Variants in PTP4A1 observed in about 807,000 individuals in gnomAD.
PTP4A1 encodes protein tyrosine phosphatase 4A1, also known as protein tyrosine phosphatase type IVA 1.
A neutral mutation model predicts 20.5 loss-of-function variants in PTP4A1; 9 were observed. The observed-to-expected ratio is 0.44, with a 90% CI of 0.26 to 0.77. The LOEUF is 0.77. PTP4A1 is among the 30% of genes least tolerant of loss of function. The pLI is 0.19. For synonymous variants in PTP4A1, 78 were observed against 67.4 expected (o/e 1.16, Z -0.77); for missense variants, 137 against 218.8 (o/e 0.63, Z 2.36).
At position 63,576,913 on chromosome 6, in the gene PTP4A1, A is replaced by G; in HGVS notation, c.33A>G (p.Glu11=). Reference sequence around the variant, plus strand: ...GAATGAACCGCCCAGCTCCTGTGGAAGTCACATACAAGAACATGAGATTTC... The same window carrying G: ...GAATGAACCGCCCAGCTCCTGTGGAGGTCACATACAAGAACATGAGATTTC... MARMNRPAPV[E]VTYKNMRFLI... Residue 11 remains glutamate, a synonymous_variant, in exon 2 of 6, where the codon GAA becomes GAG. Coordinates refer to ENST00000626021, the MANE Select transcript of PTP4A1 (RefSeq NM_003463.5). 1 of 1,613,908 alleles carries G rather than the reference A, an allele frequency of 6.2e-7. No individual in the cohort carries two copies. Among genetic ancestry groups the G allele is most frequent in the Non-Finnish European group, 8.5e-7 (1 of 1,180,006 alleles).
chr6:63,549,390 G>A, intron 2 of PTP4A1: 1 of 753,754 alleles, frequency 1.3e-6, no homozygotes, highest in South Asian at 1.4e-5. Context: ...CCTGTCCAAT[G>A]TCAAAATTCT....
At chr6:63,579,411 C>A in intron 5 of PTP4A1, 80 bp downstream of exon 5, 2 of 957,226 alleles carry the variant, frequency 2.1e-6, no homozygotes, top group Non-Finnish European at 1.5e-6. Context: ...GTCTAATAGC[C>A]CATTTAATCA....
chr6:63,558,097 C>T (rs1007653115), intron 3 of PTP4A1, among the ~76,000 whole-genome samples: 4 of 152,076 alleles, frequency 2.6e-5, no homozygotes, highest in Non-Finnish European at 1.5e-5. Flanking sequence ...GTCTCGAACT[C>T]CTGACCTTGT....
chr6:63,553,726 T>C (rs141937855), intron 3 of PTP4A1, among the ~76,000 whole-genome samples: 63 of 152,256 alleles, frequency 4.1e-4, no homozygotes, highest in African/African-American at 1.5e-3. Context: ...GCAGGAAAGG[T>C]AAATTATGAT....
intron 2 of PTP4A1, 32 bp downstream of exon 2, chr6:63,577,017 T>A (rs1280807391): frequency 6.5e-7 from 1 of 1,532,940 alleles, no homozygotes; most frequent in Non-Finnish European, 9.0e-7. Flanking sequence ...TAGCTTAAAT[T>A]GATTGCAATA....
At position 63,576,824 on chromosome 6, in the gene PTP4A1, T is replaced by A. The variant is rs1777893594; in HGVS notation, c.-57T>A. On this transcript the variant is annotated 5_prime_UTR_variant, in exon 2 of 6. Coordinates refer to ENST00000626021, the MANE Select transcript of PTP4A1 (RefSeq NM_003463.5). ...CTTCAGTTTCTTTGCATCATTTCTG[T>A]ATTCAATTTTTTTAATTATTTCATA... 8 of 1,377,684 alleles carry A rather than the reference T, an allele frequency of 5.8e-6. No individual in the cohort carries two copies. Among genetic ancestry groups the A allele is most frequent in the Non-Finnish European group, 8.1e-6 (8 of 983,708 alleles). 85.3% of individuals were successfully genotyped at this position (1,377,684 alleles called of 1,614,324 possible).
At chr6:63,518,410 A>G (rs1018162148), upstream of PTP4A1, among the ~76,000 whole-genome samples, 50 of 152,182 alleles carry the variant, frequency 3.3e-4, no homozygotes, top group African/African-American at 8.9e-4. Context: ...TGATTAACTA[A>G]AAAATTATCA....
rs1774996655 is a variant in PTP4A1 at position 63,522,901 on chromosome 6, G to A, written c.-906+1075G>A. 1.5e-5 allele frequency among the ~76,000 whole-genome samples: 2 copies of A among 134,378 alleles called. 1 individual carries two copies. Among genetic ancestry groups the A allele is most frequent in the South Asian group, 4.6e-4 (2 of 4,388 alleles). 88.2% of individuals were successfully genotyped at this position (134,378 alleles called of 152,430 possible). On this transcript the variant is annotated intron_variant, in intron 1 of 3. Coordinates refer to the PTP4A1 transcript ENST00000639568. ...TTTTTTTGAGACAGAGTCTCACTCT[G>A]TCAACCAGGCTGGAGTGCAGCAGCA...
upstream of PTP4A1, among the ~76,000 whole-genome samples, chr6:63,567,633 A>G (rs1256157894): frequency 6.6e-6 from 1 of 152,218 alleles, no homozygotes; most frequent in African/African-American, 2.4e-5. Context: ...AGAATGGTAA[A>G]TGAACATCTG....
rs1775700860 is a variant in PTP4A1 at position 63,535,913 on chromosome 6, C to T, written c.-640+7829C>T. Among the ~76,000 whole-genome samples the T allele has an allele frequency of 2.0e-5, 3 of 152,194 alleles. No individual in the cohort carries two copies. In the South Asian group the frequency reaches 6.2e-4, roughly 31 times the overall value. ...TCAGCCTCCCGAGTATCTGGGTTTA[C>T]AGGCGTGCGCCACCATGCACAGCTA... On this transcript the variant is annotated intron_variant, in intron 2 of 3. Coordinates refer to the PTP4A1 transcript ENST00000639568.
chr6:63,562,281 C>A (rs1328285640), intron 3 of PTP4A1, among the ~76,000 whole-genome samples: 1 of 150,924 alleles, frequency 6.6e-6, no homozygotes, highest in African/African-American at 2.4e-5. Flanking sequence ...CTCACCACAA[C>A]CTTCGCCTCC....
chr6:63,562,609 A>C (rs1481271187), intron 3 of PTP4A1, among the ~76,000 whole-genome samples: 1 of 152,254 alleles, frequency 6.6e-6, no homozygotes, highest in Admixed American at 6.5e-5. Flanking sequence ...GAGTATTCTA[A>C]TAAATTCAAC....
At chr6:63,540,342 C>G (rs1775904639) in intron 2 of PTP4A1, among the ~76,000 whole-genome samples, 1 of 152,036 alleles carries the variant, frequency 6.6e-6, no homozygotes, top group African/African-American at 2.4e-5. Context: ...TCTGAAAATC[C>G]AGGCACAATG....
intron 2 of PTP4A1, among the ~76,000 whole-genome samples, chr6:63,545,918 T>C (rs975824995): frequency 6.6e-6 from 1 of 152,170 alleles, no homozygotes; most frequent in Non-Finnish European, 1.5e-5. Context: ...TTATTCAAAA[T>C]ATATTTACTC....
At chr6:63,547,172 G>A (rs1677282076) in intron 2 of PTP4A1, among the ~76,000 whole-genome samples, 1 of 151,404 alleles carries the variant, frequency 6.6e-6, no homozygotes, top group Admixed American at 6.6e-5. Context: ...GAAGTTTACA[G>A]GCTAGTAGGG....
intron 3 of PTP4A1, among the ~76,000 whole-genome samples, chr6:63,564,287 A>AAG (rs1232292108): frequency 3.3e-5 from 5 of 152,042 alleles, no homozygotes; most frequent in Admixed American, 3.3e-4. Flanking sequence ...AAAAAAAAAA[A>AAG]AAAGAGAGAA....
chr6:63,572,322 G>A (rs1220497288), upstream of PTP4A1: 15 of 231,338 alleles, frequency 6.5e-5, no homozygotes, highest in Admixed American at 5.1e-4. Context: ...TTCATCAACC[G>A]GTTCACACCG....
chr6:63,548,628 C>T (rs955576427), intron 2 of PTP4A1: 6 of 383,770 alleles, frequency 1.6e-5, no homozygotes, highest in Admixed American at 3.8e-5. Flanking sequence ...TTAATGTAAA[C>T]ACAACCCTGA....
At chr6:63,550,085 A>G (rs1581928081) in intron 2 of PTP4A1, among the ~76,000 whole-genome samples, 1 of 152,240 alleles carries the variant, frequency 6.6e-6, no homozygotes, top group Non-Finnish European at 1.5e-5. Context: ...TGCAATTATT[A>G]TGTGTCAACT....
Sources: allele counts gnomAD v4.1 joint callset (sites outside exome capture counted in the v4.1 genomes callset), GRCh38; gene constraint gnomAD v4.1.1; transcripts MANE v1.5; gene names NCBI Gene and HGNC (gene_info 2026-07-23, HGNC 2026-07-21).